The following ABCA4 variants were observed in gnomAD, a reference collection of about 807,000 sequenced individuals.
The protein encoded by ABCA4 is ATP binding cassette subfamily A member 4.
A neutral mutation model predicts 263.7 loss-of-function variants in ABCA4; 196 were observed. That is an observed-to-expected ratio of 0.74 (90% confidence interval 0.66 to 0.84). ABCA4 has a LOEUF of 0.84. Among genes scored for constraint, ABCA4 ranks in the 40% least tolerant of loss-of-function variants. The pLI is 0.00. For synonymous variants in ABCA4, 1,133 were observed against 1,094.2 expected (o/e 1.04, Z -0.70); for missense variants, 2,792 against 2,855.1 (o/e 0.98, Z 0.50).
chr1:94,037,204 C>T lies in ABCA4; in HGVS notation c.3754G>A (p.Glu1252Lys), dbSNP rs61752423. 1.5e-5 allele frequency: 24 copies of T among 1,614,106 alleles called. No individual in the cohort carries two copies. The highest frequency in any genetic ancestry group is 2.0e-5 in the Non-Finnish European group (24 of 1,180,048). The change falls in exon 25 of 50, where the codon GAG becomes AAG. Residue 1252 changes from glutamate to lysine, a missense_variant. By Grantham distance (56) the Glu-to-Lys change is moderately conservative (BLOSUM62 1). Coordinates refer to ENST00000370225, the MANE Select transcript of ABCA4 (RefSeq NM_000350.3). The stretch of plus-strand genomic sequence containing the variant: ...CTGAGACCAAGGTCAGCCAGCGTCT[C>T]CTCCAGCTCTCTGAAAAGGCTGGCA... ...AYASLFRELE[E>K]TLADLGLSSF... is the part of the protein sequence containing the mutation.
rs1352110767 is a variant in ABCA4, at chr1:94,108,569, A to G, written c.442+8T>C. ...AATGATGCTTGAGAGCACTGCAGTCATGCTTACCTGCAATTCTCTCCGGGT... is the reference window on the plus strand; with the variant it reads ...AATGATGCTTGAGAGCACTGCAGTCGTGCTTACCTGCAATTCTCTCCGGGT... On this transcript the variant is annotated splice_region_variant and intron_variant, in intron 4 of 49. Coordinates refer to ENST00000370225, the MANE Select transcript of ABCA4 (RefSeq NM_000350.3). The G allele has an allele frequency of 6.2e-7, 1 of 1,613,324 alleles. No individual in the cohort carries two copies. The highest frequency in any genetic ancestry group is 2.2e-5 in the East Asian group (1 of 44,870).
intron 30 of ABCA4, among the ~76,000 whole-genome samples, chr1:94,028,792 C>G (rs1660105916): frequency 1.3e-5 from 2 of 151,476 alleles, no homozygotes; most frequent in South Asian, 4.2e-4. Context: ...TGCCTGTAAT[C>G]CCCACTACTC....
intron 43 of ABCA4, among the ~76,000 whole-genome samples, chr1:94,006,206 T>C (rs573408797): frequency 6.6e-6 from 1 of 152,346 alleles, no homozygotes; most frequent in African/African-American, 2.4e-5. Flanking sequence ...TTAGGGTCTA[T>C]GAATAAAGGA....
intron 36 of ABCA4, among the ~76,000 whole-genome samples, chr1:94,017,161 T>C (rs1490226169): frequency 1.3e-5 from 2 of 152,240 alleles, no homozygotes; most frequent in East Asian, 3.8e-4. Flanking sequence ...AGGATATTTA[T>C]ATATCTTTGA....
chr1:94,044,095 T>G (rs192204009), intron 20 of ABCA4, among the ~76,000 whole-genome samples: 1 of 11,010 alleles, frequency 9.1e-5, no homozygotes, highest in Non-Finnish European at 4.0e-3. Context: ...CCTCCCTTCT[T>G]TCCTTCCTTC....
At chr1:94,021,809 C>T (rs1553188672) in intron 33 of ABCA4, 37 bp downstream of exon 33, 2 of 1,610,794 alleles carry the variant, frequency 1.2e-6, no homozygotes, top group Non-Finnish European at 1.7e-6. Flanking sequence ...TTAAGCAAGT[C>T]AAAAATCCTA....
chr1:94,017,194 A>G (rs528610330), intron 36 of ABCA4, among the ~76,000 whole-genome samples: 1 of 152,296 alleles, frequency 6.6e-6, no homozygotes, highest in East Asian at 1.9e-4. Context: ...TGAAATTTGT[A>G]TTTATTATAA....
At chr1:94,021,117 G>T in intron 35 of ABCA4, 123 bp downstream of exon 35, 2 of 1,365,502 alleles carry the variant, frequency 1.5e-6, no homozygotes, top group East Asian at 2.3e-5. Flanking sequence ...ATGTTCATAT[G>T]TGCCTGACTA....
In ABCA4 at chr1:94,044,622, A is replaced by C. The variant is rs61749456; in HGVS notation, c.3041T>G (p.Leu1014Arg). 3 of 1,614,104 alleles carry C rather than the reference A, an allele frequency of 1.9e-6. No homozygotes were observed. Among genetic ancestry groups the C allele is most frequent in the African/African-American group, 1.3e-5 (1 of 74,926 alleles). ...SLGMCPQHNI[L>R]FHHLTVAEHM... Reference sequence around the variant, plus strand: ...TTCCTGTGTCGCTTACTGGTGGAACAGGATGTTGTGCTGTGGACACATGCC... The same window carrying C: ...TTCCTGTGTCGCTTACTGGTGGAACCGGATGTTGTGCTGTGGACACATGCC... Residue 1014 changes from leucine (L) to arginine (R), a missense_variant, in exon 20 of 50, where the codon CTG (leucine) becomes CGG (arginine). Leu to Arg is a moderately radical substitution (Grantham distance 102). Transcript: ENST00000370225.
At position 94,055,233 on chromosome 1, in the gene ABCA4, C is replaced by T; in HGVS notation, c.2465G>A (p.Ser822Asn). 1.2e-6 allele frequency: 2 copies of T among 1,614,182 alleles called. No individual in the cohort carries two copies. Among genetic ancestry groups the T allele is most frequent in the African/African-American group, 1.3e-5 (1 of 75,050 alleles). Residue 822 changes from serine (S) to asparagine (N), a missense_variant, in exon 16 of 50, where the codon AGC (serine) becomes AAC (asparagine). Transcript: ENST00000370225. ...FEEQGLGLQWSNIGNSPTEGD... is the reference protein window; with the variant it reads ...FEEQGLGLQWNNIGNSPTEGD... Reference sequence around the variant, plus strand: ...TTCCGTGGGACTGTTCCCGATGTTGCTCCACTGCAGCCCCAGGCCTTGCTC... The same window carrying T: ...TTCCGTGGGACTGTTCCCGATGTTGTTCCACTGCAGCCCCAGGCCTTGCTC...
intron 13 of ABCA4, 135 bp from the exon 14 acceptor site, chr1:94,060,894 C>A: frequency 1.3e-6 from 1 of 753,922 alleles, no homozygotes; most frequent in South Asian, 1.5e-5. Flanking sequence ...CTCCCCTGGA[C>A]ATTTAATGGG....
At chr1:94,082,107 C>T (rs942441895) in intron 7 of ABCA4, among the ~76,000 whole-genome samples, 2 of 152,200 alleles carry the variant, frequency 1.3e-5, no homozygotes, top group Non-Finnish European at 2.9e-5. Flanking sequence ...CACAGTGAGT[C>T]ATGCCTATAA....
chr1:94,062,892 A>G, intron 12 of ABCA4, 139 bp from the exon 13 acceptor site: 1 of 1,091,366 alleles, frequency 9.2e-7, no homozygotes. Flanking sequence ...TCTATTTCCT[A>G]GTCCTCAGTT....
In ABCA4 at chr1:93,992,974, G is replaced by A. The variant is rs1658909778; in HGVS notation, c.*263C>T. The stretch of plus-strand genomic sequence containing the variant: ...CCAAAGCTGCTAGTGGGATGGCCCG[G>A]GGTTTCTAGTTCTGGGGTCTGGAGA... On this transcript the variant is annotated 3_prime_UTR_variant, in exon 50 of 50. Coordinates refer to ENST00000370225, the MANE Select transcript of ABCA4 (RefSeq NM_000350.3). 3 of 546,398 alleles carry A rather than the reference G, an allele frequency of 5.5e-6. No individual in the cohort carries two copies. The Admixed American group carries it at 9.4e-5, about 17-fold the overall frequency. 33.8% of individuals were successfully genotyped at this position (546,398 alleles called of 1,614,324 possible).
chr1:94,078,903 T>C (rs201710193), intron 9 of ABCA4, among the ~76,000 whole-genome samples, 197 bp from the exon 10 acceptor site: 2 of 152,192 alleles, frequency 1.3e-5, no homozygotes, highest in East Asian at 3.8e-4. Flanking sequence ...CAGAATCTAA[T>C]TTCTTAGTAT....
chr1:94,092,489 G>C (rs1185831220), intron 6 of ABCA4, among the ~76,000 whole-genome samples: 1 of 152,184 alleles, frequency 6.6e-6, no homozygotes, highest in African/African-American at 2.4e-5. Flanking sequence ...CAACCAGGAG[G>C]GGACACCCTG....
Position 94,060,685 on chromosome 1 carries a change from A to G in ABCA4, c.2012T>C (p.Val671Ala). The change falls in exon 14 of 50, where the codon GTG (valine) becomes GCG (alanine). Residue 671 changes from valine to alanine, a missense_variant. Transcript: ENST00000370225. ...LAWIYSVSMT[V>A]KSIVLEKELR... ...CTCCTTCTCCAAGACGATGCTCTTC[A>G]CAGTCATGGAGACAGAGTAGATCCA... is the stretch of plus-strand genomic sequence containing the variant. The G allele has an allele frequency of 6.2e-7, 1 of 1,614,172 alleles. No homozygotes were observed. Among genetic ancestry groups the G allele is most frequent in the Non-Finnish European group, 8.5e-7 (1 of 1,180,032 alleles).
chr1:94,065,556 T>G, intron 11 of ABCA4, among the ~76,000 whole-genome samples: 1 of 152,226 alleles, frequency 6.6e-6, no homozygotes, highest in South Asian at 2.1e-4. Flanking sequence ...AGGCTGTGTT[T>G]GAACAAGGGG....
intron 36 of ABCA4, among the ~76,000 whole-genome samples, chr1:94,017,832 C>T (rs1411282424): frequency 6.6e-6 from 1 of 152,134 alleles, no homozygotes; most frequent in Non-Finnish European, 1.5e-5. Context: ...GTGACTTTTC[C>T]ATAAGTCTGT....
Sources: gnomAD v4.1 joint callset for allele counts (sites outside exome capture counted in the v4.1 genomes callset) on GRCh38, gnomAD v4.1.1 for gene constraint, MANE v1.5 for transcripts, NCBI Gene and HGNC (gene_info 2026-07-23, HGNC 2026-07-21) for gene names.